Variants in CCDC138 observed in about 807,000 individuals in gnomAD.
The protein encoded by CCDC138 is coiled-coil domain-containing protein 138.
Under a neutral mutation model 82.3 loss-of-function variants are expected in CCDC138, and 66 were observed. The ratio of observed to expected loss-of-function variants is 0.80; its 90% CI spans 0.66 to 0.98. The LOEUF (loss-of-function observed/expected upper bound fraction) is 0.98. CCDC138 is among the 50% of genes least tolerant of loss of function. The pLI, the probability that CCDC138 is intolerant of heterozygous loss-of-function variation, is 0.00. For missense variants in CCDC138, 816 were observed against 758.9 expected (o/e 1.08, Z -0.88); for synonymous variants, 297 against 265.4 (o/e 1.12, Z -1.16).
chr2:108,861,972 A>G (rs1693694409), intron 13 of CCDC138, among the ~76,000 whole-genome samples: 1 of 151,946 alleles, frequency 6.6e-6, no homozygotes, highest in Admixed American at 6.6e-5. Flanking sequence ...ATTCGGGAGT[A>G]AATTCTTTAG....
At chr2:108,805,588 G>A (rs1023988862) in intron 7 of CCDC138, among the ~76,000 whole-genome samples, 1 of 151,840 alleles carries the variant, frequency 6.6e-6, no homozygotes, top group Non-Finnish European at 1.5e-5. Flanking sequence ...ATAGCTGGGC[G>A]TGATGGCGGG....
chr2:108,811,569 G>T (rs1683881342), intron 7 of CCDC138, among the ~76,000 whole-genome samples: 3 of 151,626 alleles, frequency 2.0e-5, no homozygotes, highest in African/African-American at 7.3e-5. Flanking sequence ...TCTAGCTCAT[G>T]GTTTGTTGGT....
At chr2:108,863,502 C>G (rs1474392270) in intron 13 of CCDC138, among the ~76,000 whole-genome samples, 2 of 152,178 alleles carry the variant, frequency 1.3e-5, no homozygotes, top group Non-Finnish European at 2.9e-5. Context: ...AACCAGGAAA[C>G]AAGCTGGGGT....
intron 13 of CCDC138, among the ~76,000 whole-genome samples, chr2:108,867,991 G>A (rs1694686548): frequency 6.6e-6 from 1 of 152,160 alleles, no homozygotes; most frequent in African/African-American, 2.4e-5. Context: ...TCTTATCTGA[G>A]GAACTTGGAT....
At chr2:108,837,480 A>C (rs983215040) in intron 10 of CCDC138, among the ~76,000 whole-genome samples, 2 of 152,214 alleles carry the variant, frequency 1.3e-5, no homozygotes, top group African/African-American at 4.8e-5. Flanking sequence ...TGGTGGTCCC[A>C]TAATATTATA....
rs888483816 is a variant in CCDC138 at position 108,787,412 on chromosome 2, G to C, written c.93+497G>C. On this transcript the variant is annotated intron_variant, in intron 1 of 14. Transcript: ENST00000295124. Reference sequence around the variant, plus strand: ...TTTTCCCTTTGAACTATTTGAGGGTGATTTGCAGGCATCATGCCCCTTTAC... The same window carrying C: ...TTTTCCCTTTGAACTATTTGAGGGTCATTTGCAGGCATCATGCCCCTTTAC... Among the ~76,000 whole-genome samples, 4 of 152,164 alleles carry C rather than the reference G, an allele frequency of 2.6e-5. No homozygotes were observed. The East Asian group carries it at 7.7e-4, about 29-fold the overall frequency.
At chr2:108,855,846 C>T (rs926996926) in intron 12 of CCDC138, among the ~76,000 whole-genome samples, 2 of 152,204 alleles carry the variant, frequency 1.3e-5, no homozygotes, top group African/African-American at 2.4e-5. Context: ...AATTTTAATA[C>T]GGTGATTCTG....
chr2:108,810,986 T>G (rs1255449694), intron 7 of CCDC138, among the ~76,000 whole-genome samples: 1 of 152,150 alleles, frequency 6.6e-6, no homozygotes, highest in Non-Finnish European at 1.5e-5. Flanking sequence ...TTCATAATGA[T>G]CTCTGTAGTC....
At chr2:108,883,762 C>T (rs1558785454) in intron 2 of CCDC138, 1 of 152,276 alleles carries the variant, frequency 6.6e-6, no homozygotes, top group East Asian at 1.9e-4. Flanking sequence ...GGGCACAGTG[C>T]TTTGTGACTC....
intron 6 of CCDC138, among the ~76,000 whole-genome samples, chr2:108,798,816 TACACACACACACAC>T (rs61201793): frequency 2.4e-4 from 31 of 131,640 alleles, no homozygotes; most frequent in Admixed American, 2.0e-3. Context: ...TCTCCACACC[TACACACACACACAC>T]ACACACACAC....
intron 11 of CCDC138, among the ~76,000 whole-genome samples, chr2:108,843,378 G>A (rs1261367950): frequency 2.0e-5 from 3 of 152,070 alleles, no homozygotes; most frequent in Non-Finnish European, 4.4e-5. Flanking sequence ...GGCTGGTCTC[G>A]AACTCCTGAC....
downstream of CCDC138, among the ~76,000 whole-genome samples, chr2:108,877,513 G>A (rs1289705000): frequency 2.0e-5 from 3 of 152,020 alleles, no homozygotes; most frequent in African/African-American, 7.2e-5. Flanking sequence ...AAGCCAAAGT[G>A]CACATTAGAA....
At chr2:108,838,698 A>C (rs919825481) in intron 10 of CCDC138, among the ~76,000 whole-genome samples, 1 of 152,172 alleles carries the variant, frequency 6.6e-6, no homozygotes, top group African/African-American at 2.4e-5. Flanking sequence ...ATAAACAAGT[A>C]AATAGTACTC....
chr2:108,843,882 C>G (rs13386615), intron 11 of CCDC138, among the ~76,000 whole-genome samples: 1,615 of 46,080 alleles, frequency 0.035, 76 homozygotes, highest in African/African-American at 0.11. Flanking sequence ...GTGTGTGTTT[C>G]TTTCTTTTTT....
chr2:108,872,643 A>C (rs983339697), intron 13 of CCDC138, among the ~76,000 whole-genome samples: 3 of 152,042 alleles, frequency 2.0e-5, no homozygotes, highest in Non-Finnish European at 4.4e-5. Context: ...TTGCATCATC[A>C]CCTGGCAGAG....
Position 108,786,787 on chromosome 2 carries a change from C to A in CCDC138, c.-36C>A, listed in dbSNP as rs1289303240. ...CGTAGCGCCGCGGGTTTGATGAACG[C>A]GGTTCCCGGGGAGACTGGTACGGTT... On this transcript the variant is annotated 5_prime_UTR_variant, in exon 1 of 15. Transcript: ENST00000295124. The A allele has an allele frequency of 1.9e-6, 3 of 1,546,836 alleles. No homozygotes were observed. The highest frequency in any genetic ancestry group is 1.2e-5 in the South Asian group (1 of 85,046).
chr2:108,819,838 G>A (rs1258725712), intron 10 of CCDC138, among the ~76,000 whole-genome samples: 3 of 149,702 alleles, frequency 2.0e-5, no homozygotes, highest in Non-Finnish European at 4.4e-5. Flanking sequence ...CAAAGCTTCA[G>A]AAACTCACCC....
intron 10 of CCDC138, among the ~76,000 whole-genome samples, chr2:108,822,776 G>T (rs1685930449): frequency 6.6e-6 from 1 of 152,124 alleles, no homozygotes; most frequent in Admixed American, 6.5e-5. Context: ...AAAATTTATA[G>T]GATGCAGTGT....
rs373914648 is a variant in CCDC138 at position 108,812,921 on chromosome 2, T to G, written c.1035T>G (p.Thr345=). The G allele has an allele frequency of 1.2e-6, 2 of 1,613,224 alleles. No individual in the cohort carries two copies. Among genetic ancestry groups the G allele is most frequent in the African/African-American group, 2.7e-5 (2 of 74,848 alleles). ...AAGAAAAAGCACCAGTTTCAAAAAC[T>G]TACAAGGTAAGTTTGAATTATGATT... ...LKQEKAPVSK[T]YKVPLNGQVY... The change falls in exon 9 of 15, where the codon ACT becomes ACG. Residue 345 remains threonine, a synonymous_variant. Coordinates refer to ENST00000295124, the MANE Select transcript of CCDC138 (RefSeq NM_144978.3).
Sources: gnomAD v4.1 joint callset for allele counts (sites outside exome capture counted in the v4.1 genomes callset) on GRCh38, gnomAD v4.1.1 for gene constraint, MANE v1.5 for transcripts, NCBI Gene and HGNC (gene_info 2026-07-23, HGNC 2026-07-21) for gene names.